Variants in TNRC18 observed in about 807,000 individuals in gnomAD.
TNRC18 encodes trinucleotide repeat containing 18.
Under a neutral mutation model 226.7 loss-of-function variants are expected in TNRC18, and 69 were observed. That is an observed-to-expected ratio of 0.30 (90% CI 0.25 to 0.37). The LOEUF is 0.37. TNRC18 is among the 10% of genes least tolerant of loss of function. TNRC18 has a pLI of 1.00. For missense variants in TNRC18, 4,754 were observed against 4,256.6 expected (o/e 1.12, Z -3.25); for synonymous variants, 2,449 against 1,927.6 (o/e 1.27, Z -7.09).
intron 3 of TNRC18, among the ~76,000 whole-genome samples, chr7:5,393,090 T>C (rs1780417070): frequency 6.6e-6 from 1 of 152,222 alleles, no homozygotes; most frequent in Non-Finnish European, 1.5e-5. Flanking sequence ...CACTGGGCTG[T>C]GGTAAGCACC....
At chr7:5,363,392 G>A (rs1226495130) in intron 11 of TNRC18, among the ~76,000 whole-genome samples, 1 of 152,020 alleles carries the variant, frequency 6.6e-6, no homozygotes, top group Non-Finnish European at 1.5e-5. Flanking sequence ...CATGAGGTCA[G>A]GAGATGGAGA....
At chr7:5,364,462 A>AACACACACACACACACACAC (rs58752853) in intron 11 of TNRC18, among the ~76,000 whole-genome samples, 12 of 116,638 alleles carry the variant, frequency 1.0e-4, no homozygotes, top group African/African-American at 2.6e-4. Flanking sequence ...TCTCAAAGAA[A>AACACACACACACACACACAC]ACACACACAC....
rs912285854 is a variant in TNRC18 at position 5,312,110 on chromosome 7, T to C, written c.8388+393A>G. 1.3e-5 allele frequency among the ~76,000 whole-genome samples: 2 copies of C among 152,154 alleles called. No homozygotes were observed. The highest frequency in any genetic ancestry group is 2.4e-5 in the African/African-American group (1 of 41,428). On this transcript the variant is annotated intron_variant, in intron 27 of 29. Transcript: ENST00000430969. This position sits in a 1 kb window ranked among gnomAD's most constrained non-coding sequence, Gnocchi z 6.3. ...AAGATCACACCACCACACTCCAGCC[T>C]GGGCAACAGAGAGAGACTCAGTCTC... is the stretch of plus-strand genomic sequence containing the variant.
intron 2 of TNRC18, among the ~76,000 whole-genome samples, chr7:5,409,512 G>A (rs904727212): frequency 3.3e-5 from 5 of 151,412 alleles, no homozygotes; most frequent in East Asian, 3.9e-4. Flanking sequence ...AGCCCCAGTC[G>A]TTTGAGCTCA....
At chr7:5,360,203 T>TTTTA (rs373223281) in intron 14 of TNRC18, among the ~76,000 whole-genome samples, 2,760 of 151,196 alleles carry the variant, frequency 0.018, 28 homozygotes, top group African/African-American at 0.027. Context: ...TGCTGCTGTA[T>TTTTA]TTTATTTATT....
chr7:5,420,542 G>T (rs1387445774), intron 2 of TNRC18: 1 of 444,450 alleles, frequency 2.2e-6, no homozygotes, highest in Middle Eastern at 3.3e-4. Flanking sequence ...CCGTACTCCC[G>T]CATCCCCCGG....
intron 19 of TNRC18, among the ~76,000 whole-genome samples, chr7:5,329,336 AG>A (rs1789268088): frequency 6.6e-6 from 1 of 151,892 alleles, no homozygotes; most frequent in East Asian, 1.9e-4. Flanking sequence ...TAAAAGTAAA[AG>A]CCCATCCCAT....
chr7:5,317,354 C>G (rs1423220569), intron 24 of TNRC18, among the ~76,000 whole-genome samples: 1 of 152,118 alleles, frequency 6.6e-6, no homozygotes, highest in Non-Finnish European at 1.5e-5. Context: ...CTTTGGGAGG[C>G]TGAGAGAAGC....
rs1381570266 is a variant in TNRC18, at chr7:5,361,536, C to T, written c.4661+58G>A. On this transcript the variant is annotated intron_variant, in intron 14 of 29. Transcript: ENST00000430969. ...CCCGAGGCAGGCCCTGCGTGGGGCCCGGGCTCCTCCCCTCAAGCTGTGTGC... is the reference window on the plus strand; with the variant it reads ...CCCGAGGCAGGCCCTGCGTGGGGCCTGGGCTCCTCCCCTCAAGCTGTGTGC... 6.3e-6 allele frequency: 9 copies of T among 1,436,134 alleles called. No homozygotes were observed. The South Asian group carries it at 7.3e-5, about 12-fold the overall frequency. 89.0% of individuals were successfully genotyped at this position (1,436,134 alleles called of 1,614,324 possible).
Position 5,313,665 on chromosome 7 carries a change from GGT to G in TNRC18, c.7224_7225del (p.Pro2409ArgfsTer69). Reference sequence around the variant, plus strand: ...AGCTGGCAGCTCTGCAAATGGCTCGGGTGCTGGGCAGCTGGTGAAGGCGGGTG... The same window carrying G: ...AGCTGGCAGCTCTGCAAATGGCTCGGGCTGGGCAGCTGGTGAAGGCGGGTG... On this transcript the variant is annotated frameshift_variant, in exon 27 of 30. Coordinates refer to ENST00000430969, the MANE Select transcript of TNRC18 (RefSeq NM_001080495.3). LOFTEE classifies it high-confidence loss of function. 6.2e-7 allele frequency: 1 copy of G among 1,605,954 alleles called. No individual in the cohort carries two copies. Among genetic ancestry groups the G allele is most frequent in the Non-Finnish European group, 8.5e-7 (1 of 1,177,068 alleles).
At chr7:5,381,997 T>TA (rs1360573497) in intron 5 of TNRC18, among the ~76,000 whole-genome samples, 2 of 151,772 alleles carry the variant, frequency 1.3e-5, no homozygotes, top group East Asian at 3.9e-4. Context: ...ATAATAAAAA[T>TA]AAAAAATAAA....
At chr7:5,376,785 G>A in intron 8 of TNRC18, 62 bp downstream of exon 8, 1 of 1,570,626 alleles carries the variant, frequency 6.4e-7, no homozygotes, top group Non-Finnish European at 8.6e-7. Context: ...CTTGGCATCA[G>A]AGACCATCTC....
chr7:5,329,608 G>C lies in TNRC18; in HGVS notation c.6147+3014C>G, dbSNP rs572021543. Among the ~76,000 whole-genome samples the C allele has an allele frequency of 7.3e-5, 11 of 150,796 alleles. No individual in the cohort carries two copies. The South Asian group carries it at 8.4e-4, about 12-fold the overall frequency. On this transcript the variant is annotated intron_variant, in intron 19 of 29. Transcript: ENST00000430969. ...TGAGGCAGGAGAACTGCTTGAACCT[G>C]GGAGGCGGAGGTTGCAGTGAGCCGA...
chr7:5,416,949 C>T (rs1396754048), intron 2 of TNRC18, among the ~76,000 whole-genome samples: 3 of 149,684 alleles, frequency 2.0e-5, no homozygotes, highest in Non-Finnish European at 4.4e-5. Context: ...CAATACTGCA[C>T]TCATCCTGGT....
intron 2 of TNRC18, among the ~76,000 whole-genome samples, chr7:5,411,388 C>G (rs781549251): frequency 3.3e-5 from 5 of 151,374 alleles, no homozygotes; most frequent in Non-Finnish European, 5.9e-5. Context: ...TGTGGTGACT[C>G]ACACCTGTAA....
intron 18 of TNRC18, among the ~76,000 whole-genome samples, chr7:5,337,350 G>T (rs1290135582): frequency 6.6e-6 from 1 of 152,122 alleles, no homozygotes; most frequent in African/African-American, 2.4e-5. Context: ...CGGGCATGAT[G>T]GCTCACACCT....
Position 5,337,226 on chromosome 7 carries a change from A to C in TNRC18, c.5720-4177T>G, listed in dbSNP as rs1790207216. Among the ~76,000 whole-genome samples, 3 of 152,026 alleles carry C rather than the reference A, an allele frequency of 2.0e-5. 1 individual carries two copies. The South Asian group carries it at 6.2e-4, about 31-fold the overall frequency. ...CCAGAAGAGAGCAGGATATCTTCTAAGGACTCAAAGAAAAAAAAAAAACTG... is the reference window on the plus strand; with the variant it reads ...CCAGAAGAGAGCAGGATATCTTCTACGGACTCAAAGAAAAAAAAAAAACTG... On this transcript the variant is annotated intron_variant, in intron 18 of 29. Transcript: ENST00000430969.
chr7:5,401,122 CA>C (rs1203662491), intron 2 of TNRC18, among the ~76,000 whole-genome samples: 2 of 151,636 alleles, frequency 1.3e-5, no homozygotes, highest in African/African-American at 4.9e-5. Context: ...GTGACTCACC[CA>C]CCATGTCTGG....
Position 5,389,352 on chromosome 7 carries a change from C to G in TNRC18, c.488-16G>C. 2 of 1,259,352 alleles carry G rather than the reference C, an allele frequency of 1.6e-6. No individual in the cohort carries two copies. Among genetic ancestry groups the G allele is most frequent in the South Asian group, 3.3e-5 (1 of 30,512 alleles). 78.0% of individuals were successfully genotyped at this position (1,259,352 alleles called of 1,614,324 possible). A position where few individuals can be genotyped will look rare whatever the true frequency, so the allele number is the denominator to read the frequency against. ...TAGAAACCGTCTGCGGAGAAGGGAA[C>G]AGCAGGCAGTGAGCGAGCGCCACCT... On this transcript the variant is annotated splice_polypyrimidine_tract_variant and intron_variant, in intron 4 of 29. Transcript: ENST00000430969.
Sources: gnomAD v4.1 joint callset for allele counts (sites outside exome capture counted in the v4.1 genomes callset) on GRCh38, gnomAD v4.1.1 for gene constraint, Gnocchi (gnomAD v3.1) non-coding constraint, MANE v1.5 for transcripts, NCBI Gene and HGNC (gene_info 2026-07-23, HGNC 2026-07-21) for gene names.